SHMT1: variants seen among roughly 807,000 people sequenced by gnomAD.
SHMT1 encodes serine hydroxymethyltransferase, cytosolic.
A neutral mutation model predicts 49.0 loss-of-function variants in SHMT1; 45 were observed. The observed-to-expected ratio is 0.92, with a 90% CI of 0.72 to 1.18. SHMT1 has a LOEUF of 1.18. Among genes scored for constraint, SHMT1 ranks in the 50% most tolerant of loss-of-function variants. SHMT1 has a pLI of 0.00. For missense variants in SHMT1, 541 were observed against 612.4 expected, an observed-to-expected ratio of 0.88 and a Z score of 1.23; for synonymous variants, 232 against 246.6, an observed-to-expected ratio of 0.94 and a Z score of 0.55.
chr17:18,334,381 G>A (rs557259470), intron 8 of SHMT1, among the ~76,000 whole-genome samples: 20 of 152,250 alleles, frequency 1.3e-4, no homozygotes, highest in Admixed American at 7.2e-4. Context: ...GAGCCACCGC[G>A]CCCAGCTGAT....
intron 3 of SHMT1, among the ~76,000 whole-genome samples, chr17:18,350,355 A>T (rs567876007): frequency 3.2e-4 from 49 of 151,972 alleles, no homozygotes; most frequent in South Asian, 2.1e-3. Flanking sequence ...AATAAATAAA[A>T]AATAAATAGG....
rs190998086 is a variant in SHMT1, at chr17:18,351,871, G to A, written c.242+1801C>T. Among the ~76,000 whole-genome samples the A allele has an allele frequency of 1.9e-3, 287 of 152,056 alleles. 1 individual carries two copies. The highest frequency in any genetic ancestry group is 3.4e-3 in the Non-Finnish European group (228 of 67,988). On this transcript the variant is annotated intron_variant, in intron 3 of 11. Coordinates refer to ENST00000316694, the MANE Select transcript of SHMT1 (RefSeq NM_004169.5). The stretch of plus-strand genomic sequence containing the variant: ...GGTTTTTTTTAAATTTAGAAACAGG[G>A]TCTCATTCTGTCACCCCAGCTGGAG...
In SHMT1 at chr17:18,335,128, C is replaced by G. The variant is rs1451802748; in HGVS notation, c.931+431G>C. ...CCTGCTGGGCAGGCATGGAATCTGA[C>G]TCAGGAGTCACTGGCGTGGCACTGG... On this transcript the variant is annotated intron_variant, in intron 8 of 11. Coordinates refer to ENST00000316694, the MANE Select transcript of SHMT1 (RefSeq NM_004169.5). 3.3e-5 allele frequency among the ~76,000 whole-genome samples: 5 copies of G among 152,226 alleles called. No homozygotes were observed. The East Asian group carries it at 9.6e-4, about 29-fold the overall frequency.
chr17:18,351,749 C>T (rs560456971), intron 3 of SHMT1, among the ~76,000 whole-genome samples: 2 of 151,766 alleles, frequency 1.3e-5, no homozygotes, highest in South Asian at 4.2e-4. Flanking sequence ...ACTCCAGCCT[C>T]GTGACAGAGC....
intron 7 of SHMT1, among the ~76,000 whole-genome samples, chr17:18,336,815 G>A (rs533470046): frequency 2.6e-5 from 4 of 152,198 alleles, no homozygotes; most frequent in East Asian, 1.9e-4. Flanking sequence ...GCATGGTGGC[G>A]CATACCTGTG....
rs143292731 is a variant in SHMT1, at chr17:18,342,956, GAATA to G, written c.520-2147_520-2144del. 6.0e-4 allele frequency among the ~76,000 whole-genome samples: 91 copies of G among 151,336 alleles called. 2 individuals are homozygous for G. Among genetic ancestry groups the G allele is most frequent in the South Asian group, 1.7e-3 (8 of 4,794 alleles). On this transcript the variant is annotated intron_variant, in intron 5 of 11. Transcript: ENST00000316694. The stretch of plus-strand genomic sequence containing the variant: ...GTCTCAAAAAAAAAAAATTAAAATT[GAATA>G]AATAAATAAATAAATAAAACAATCA...
chr17:18,329,467 G>T, intron 10 of SHMT1, 79 bp from the exon 11 acceptor site: 1 of 1,155,516 alleles, frequency 8.7e-7, no homozygotes, highest in Non-Finnish European at 1.3e-6. Context: ...GGGACATGTG[G>T]GCAAAAGAGA....
At chr17:18,347,705 C>G in intron 4 of SHMT1, 49 bp from the exon 5 acceptor site, 1 of 1,609,486 alleles carries the variant, frequency 6.2e-7, no homozygotes, top group Admixed American at 1.7e-5. Flanking sequence ...ACTGAGGTAC[C>G]AAGTGGCATC....
chr17:18,355,243 AC>A (rs1306973401), intron 2 of SHMT1, among the ~76,000 whole-genome samples: 1 of 150,254 alleles, frequency 6.7e-6, no homozygotes, highest in East Asian at 2.0e-4. Flanking sequence ...GGTGGCAGGC[AC>A]CTGTAGTCCC....
Position 18,328,739 on chromosome 17 carries a change from G to A in SHMT1, c.*11C>T, listed in dbSNP as rs1567764476. 1 of 1,556,154 alleles carries A rather than the reference G, an allele frequency of 6.4e-7. No individual in the cohort carries two copies. The highest frequency in any genetic ancestry group is 8.7e-7 in the Non-Finnish European group (1 of 1,150,014). Reference sequence around the variant, plus strand: ...TGTGGCGCCAGGTGGGTCCAGAGTGGGCCCGCTCCTTTAGAAGTCAGGCAG... The same window carrying A: ...TGTGGCGCCAGGTGGGTCCAGAGTGAGCCCGCTCCTTTAGAAGTCAGGCAG... On this transcript the variant is annotated 3_prime_UTR_variant, in exon 12 of 12. Coordinates refer to ENST00000316694, the MANE Select transcript of SHMT1 (RefSeq NM_004169.5).
At chr17:18,334,164 A>T (rs1285141781) in intron 8 of SHMT1, among the ~76,000 whole-genome samples, 1 of 151,610 alleles carries the variant, frequency 6.6e-6, no homozygotes, top group Non-Finnish European at 1.5e-5. Context: ...CTGTTCTGGA[A>T]CTCCTGACCT....
intron 1 of SHMT1, among the ~76,000 whole-genome samples, chr17:18,358,873 A>T (rs1485076505): frequency 6.6e-6 from 1 of 152,170 alleles, no homozygotes; most frequent in Non-Finnish European, 1.5e-5. Context: ...AGTGCATTCC[A>T]GCCTGGGTGA....
chr17:18,329,128 G>A, intron 11 of SHMT1, 150 bp downstream of exon 11: 1 of 862,388 alleles, frequency 1.2e-6, no homozygotes, highest in South Asian at 1.4e-5. Flanking sequence ...CTCAGACAAG[G>A]TGATTTACAT....
chr17:18,352,984 G>C (rs937305609), intron 3 of SHMT1, among the ~76,000 whole-genome samples: 1 of 152,176 alleles, frequency 6.6e-6, no homozygotes, highest in Admixed American at 6.6e-5. Flanking sequence ...CACAATAGGA[G>C]AAAGACAATG....
At chr17:18,351,197 G>C (rs1368664903) in intron 3 of SHMT1, among the ~76,000 whole-genome samples, 1 of 151,714 alleles carries the variant, frequency 6.6e-6, no homozygotes. Context: ...CTGGAGTGCA[G>C]TGGCGCGATC....
chr17:18,362,384 G>C (rs1227316244), intron 1 of SHMT1, among the ~76,000 whole-genome samples: 1 of 151,956 alleles, frequency 6.6e-6, no homozygotes, highest in Non-Finnish European at 1.5e-5. Flanking sequence ...GCAGTGGCGT[G>C]ATCTCCGCTC....
Position 18,344,925 on chromosome 17 carries a change from G to A in SHMT1, c.519+2571C>T, listed in dbSNP as rs190054427. On this transcript the variant is annotated intron_variant, in intron 5 of 11. Transcript: ENST00000316694. ...GGGGCAGGGGCTGAAGGTGGAGGCA[G>A]GCGGTCTGGTGAAGGCTGGGCAGGG... 7.0e-4 allele frequency among the ~76,000 whole-genome samples: 106 copies of A among 152,328 alleles called. 3 individuals are homozygous for A. The East Asian group carries it at 0.017, about 24-fold the overall frequency.
intron 3 of SHMT1, among the ~76,000 whole-genome samples, chr17:18,351,026 C>A (rs1985637666): frequency 6.6e-6 from 1 of 152,042 alleles, no homozygotes; most frequent in Non-Finnish European, 1.5e-5. Flanking sequence ...AACCACCACG[C>A]CTTGCCTATT....
Position 18,340,032 on chromosome 17 carries a change from C to G in SHMT1, c.814+11G>C, listed in dbSNP as rs375865394. Reference sequence around the variant, plus strand: ...ATGGTACCCATCTGTACCCAACATTCGGGAGCTCACCTTTCCTGTAGAAGA... The same window carrying G: ...ATGGTACCCATCTGTACCCAACATTGGGGAGCTCACCTTTCCTGTAGAAGA... On this transcript the variant is annotated intron_variant, in intron 7 of 11. Transcript: ENST00000316694. The surrounding 1 kb of genome is among the most constrained non-coding windows in gnomAD (Gnocchi z 4.5). 6.2e-7 allele frequency: 1 copy of G among 1,611,862 alleles called. No individual in the cohort carries two copies. Among genetic ancestry groups the G allele is most frequent in the African/African-American group, 1.3e-5 (1 of 74,916 alleles).
Sources: allele counts gnomAD v4.1 joint callset (sites outside exome capture counted in the v4.1 genomes callset), GRCh38; gene constraint gnomAD v4.1.1; non-coding constraint Gnocchi (gnomAD v3.1); transcripts MANE v1.5; gene names NCBI Gene and HGNC (gene_info 2026-07-23, HGNC 2026-07-21).